The following CASKIN2 variants were observed in gnomAD, a reference collection of about 807,000 sequenced individuals.
The protein encoded by CASKIN2 is CASK interacting protein 2, also known as caskin-2.
In CASKIN2, 41 loss-of-function variants were observed where a neutral mutation model predicts 107.1. That is an observed-to-expected ratio of 0.38 (90% CI 0.30 to 0.50). The LOEUF is 0.50. CASKIN2 is among the 20% of genes least tolerant of loss of function. The pLI, the probability that CASKIN2 is intolerant of heterozygous loss-of-function variation, is 0.92. For synonymous variants in CASKIN2, 724 were observed against 705.6 expected (o/e 1.03, Z -0.41); for missense variants, 1,546 against 1,657.4 (o/e 0.93, Z 1.17).
rs1437455501 is a variant in CASKIN2, at chr17:75,506,962, CCCTGTGGG to C, written c.390+14_390+21del. ...CACCCCACCCTGCCCTGCGCCACGC[CCCTGTGGG>C]CAGCCTCACGTACCACCTCATAATG... On this transcript the variant is annotated intron_variant, in intron 5 of 19. Coordinates refer to ENST00000321617, the MANE Select transcript of CASKIN2 (RefSeq NM_020753.5). This position sits in a 1 kb window ranked among gnomAD's most constrained non-coding sequence, Gnocchi z 4.8. The C allele has an allele frequency of 1.9e-6, 3 of 1,612,958 alleles. No homozygotes were observed. Among genetic ancestry groups the C allele is most frequent in the Non-Finnish European group, 2.5e-6 (3 of 1,179,568 alleles).
chr17:75,503,991 AGCAGGAGC>A, intron 14 of CASKIN2, 29 bp from the exon 15 acceptor site: 1 of 1,583,450 alleles, frequency 6.3e-7, no homozygotes, highest in Non-Finnish European at 8.6e-7. Flanking sequence ...GGGCAGAATT[AGCAGGAGC>A]TGGACCAAGG....
chr17:75,501,597 GGAGGCACTGGGCGGGGGCC>G lies in CASKIN2; in HGVS notation c.3370_3388del (p.Gly1124LeufsTer30). On this transcript the variant is annotated frameshift_variant, in exon 19 of 20. Coordinates refer to ENST00000321617, the MANE Select transcript of CASKIN2 (RefSeq NM_020753.5). LOFTEE classifies it high-confidence loss of function. ...AGTCCCAGTGCTCTCAGGCCGTGGA[GGAGGCACTGGGCGGGGGCC>G]GAGCCGGGGCGCTAGCTTAGGGCCA... 1.2e-6 allele frequency: 2 copies of G among 1,607,734 alleles called. No individual in the cohort carries two copies. Among genetic ancestry groups the G allele is most frequent in the Non-Finnish European group, 1.7e-6 (2 of 1,176,520 alleles).
At position 75,501,793 on chromosome 17, in the gene CASKIN2, T is replaced by C; in HGVS notation, c.3281A>G (p.Lys1094Arg). ...TCCCCTCTTACCTGCTCCGGGCACC[T>C]TGAGGAGGGCAGCAGGGGCGGCCGG... The part of the protein sequence containing the change: ...EPPAAPAALL[K>R]VPGAGTAPKP... The change falls in exon 18 of 20, where the codon AAG (lysine) becomes AGG (arginine). Residue 1094 changes from lysine (K) to arginine (R), a missense_variant. Lys to Arg is a conservative substitution (Grantham distance 26). Transcript: ENST00000321617. 1.3e-6 allele frequency: 2 copies of C among 1,537,706 alleles called. No homozygotes were observed. The highest frequency in any genetic ancestry group is 1.4e-5 in the African/African-American group (1 of 72,632).
rs143069531 is a variant in CASKIN2 at position 75,501,882 on chromosome 17, C to T, written c.3192G>A (p.Pro1064=). ...APSPAMQPPV[P]PCPGPGLESS... ...TTTCCAGACCTGGCCCTGGGCAGGG[C>T]GGCACTGGAGGCTGCATGGCGGGGC... The change falls in exon 18 of 20, where the codon CCG becomes CCA. Residue 1064 remains proline (P), a synonymous_variant. Transcript: ENST00000321617. 8.5e-4 allele frequency: 1,332 copies of T among 1,565,342 alleles called. 5 individuals are homozygous for T. In the Middle Eastern group the frequency reaches 0.026, roughly 30 times the overall value.
chr17:75,511,698 T>C (rs2053317154), intron 2 of CASKIN2, among the ~76,000 whole-genome samples: 1 of 152,170 alleles, frequency 6.6e-6, no homozygotes, highest in South Asian at 2.1e-4. Context: ...TGCCTGAGCC[T>C]ACAGCCTGCG....
At chr17:75,510,731 C>T (rs530734008) in intron 2 of CASKIN2, among the ~76,000 whole-genome samples, 4 of 152,174 alleles carry the variant, frequency 2.6e-5, no homozygotes, top group South Asian at 2.1e-4. Flanking sequence ...GGCGGGACTA[C>T]AGGCATGTGC....
chr17:75,509,724 C>G (rs765864818), intron 2 of CASKIN2: 1 of 985,474 alleles, frequency 1.0e-6, no homozygotes, highest in Non-Finnish European at 1.2e-6. Flanking sequence ...TGCCACGGTA[C>G]CTCTCTGAGC....
intron 2 of CASKIN2, among the ~76,000 whole-genome samples, chr17:75,511,855 C>A: frequency 6.6e-6 from 1 of 152,378 alleles, no homozygotes; most frequent in Middle Eastern, 3.4e-3. Flanking sequence ...CGCCTGCCCT[C>A]CTGAGGGCCT....
At chr17:75,508,349 C>A in intron 2 of CASKIN2, 64 bp from the exon 3 acceptor site, 8 of 1,551,950 alleles carry the variant, frequency 5.2e-6, no homozygotes, top group African/African-American at 1.4e-5. Context: ...CATCCCTCCC[C>A]CCACCTGTCA....
In CASKIN2 at chr17:75,501,778, C is replaced by T; in HGVS notation, c.3295+1G>A. ...ACTCTCCCACAGGCCTCCCCTCTTA[C>T]CTGCTCCGGGCACCTTGAGGAGGGC... On this transcript the variant is annotated splice_donor_variant, in intron 18 of 19. Coordinates refer to ENST00000321617, the MANE Select transcript of CASKIN2 (RefSeq NM_020753.5). LOFTEE classifies it high-confidence loss of function. The T allele has an allele frequency of 6.5e-7, 1 of 1,533,092 alleles. No individual in the cohort carries two copies. The highest frequency in any genetic ancestry group is 1.3e-5 in the South Asian group (1 of 77,696). The allele number at this position is 1,533,092 out of a possible 1,614,324, so 95.0% of individuals were successfully genotyped here. A position where few individuals can be genotyped will look rare whatever the true frequency, so the allele number is the denominator to read the frequency against.
Position 75,507,068 on chromosome 17 carries a change from C to T in CASKIN2, c.306G>A (p.Leu102=), listed in dbSNP as rs1461755832. 1.2e-6 allele frequency: 2 copies of T among 1,611,894 alleles called. No individual in the cohort carries two copies. Among genetic ancestry groups the T allele is most frequent in the Non-Finnish European group, 1.7e-6 (2 of 1,179,696 alleles). Residue 102 remains leucine (L), a synonymous_variant, in exon 5 of 20, where the codon CTG becomes CTA. Coordinates refer to ENST00000321617, the MANE Select transcript of CASKIN2 (RefSeq NM_020753.5). ...CGGCATTGACAGCCGCAGAGGCGCG[C>T]AGCAGCAGCCTCACAGGCTCCAGCC... ...QGRLEPVRLL[L]RASAAVNAAS...
chr17:75,510,373 A>T (rs1413887273), intron 2 of CASKIN2, among the ~76,000 whole-genome samples: 1 of 152,112 alleles, frequency 6.6e-6, no homozygotes. Flanking sequence ...GGATAGCTAT[A>T]AAGCGCCAGC....
chr17:75,505,810 C>G lies in CASKIN2; in HGVS notation c.835+11G>C. 1 of 1,611,980 alleles carries G rather than the reference C, an allele frequency of 6.2e-7. No individual in the cohort carries two copies. The highest frequency in any genetic ancestry group is 8.5e-7 in the Non-Finnish European group (1 of 1,179,386). On this transcript the variant is annotated intron_variant, in intron 9 of 19. Coordinates refer to ENST00000321617, the MANE Select transcript of CASKIN2 (RefSeq NM_020753.5). This position sits in a 1 kb window ranked among gnomAD's most constrained non-coding sequence, Gnocchi z 5.1. ...AGGCCCCCTGGGCAGGGTATCCTCC[C>G]CCGCACTCACCCCGCAGTAGCTGCT... is the stretch of plus-strand genomic sequence containing the variant.
rs143653140 is a variant in CASKIN2 at position 75,506,666 on chromosome 17, C to A, written c.534G>T (p.Glu178Asp). The change falls in exon 7 of 20, where the codon GAG becomes GAT. Residue 178 changes from glutamate to aspartate, a missense_variant. Glu to Asp is a conservative substitution (Grantham distance 45). Coordinates refer to ENST00000321617, the MANE Select transcript of CASKIN2 (RefSeq NM_020753.5). This position sits in a 1 kb window ranked among gnomAD's most constrained non-coding sequence, Gnocchi z 4.8. Reference sequence around the variant, plus strand: ...GGTCACACGGGTCTTTGGCCTCACCCTCCAGCAGTGCCACACATAAGTGGC... The same window carrying A: ...GGTCACACGGGTCTTTGGCCTCACCATCCAGCAGTGCCACACATAAGTGGC... ...LNSHLCVALL[E>D]GEAKDPCDPN... is the part of the protein sequence containing the mutation. 79 of 1,613,302 alleles carry A rather than the reference C, an allele frequency of 4.9e-5. No homozygotes were observed. Among genetic ancestry groups the A allele is most frequent in the Non-Finnish European group, 6.4e-5 (76 of 1,179,982 alleles).
Position 75,504,871 on chromosome 17 carries a change from G to A in CASKIN2, c.1133C>T (p.Pro378Leu), listed in dbSNP as rs1366821252. The A allele has an allele frequency of 1.9e-6, 3 of 1,611,576 alleles. No individual in the cohort carries two copies. Among genetic ancestry groups the A allele is most frequent in the Admixed American group, 1.7e-5 (1 of 59,874 alleles). The change falls in exon 11 of 20, where the codon CCC (proline) becomes CTC (leucine). Residue 378 changes from proline to leucine, a missense_variant. Transcript: ENST00000321617. The stretch of plus-strand genomic sequence containing the variant: ...CTGGCTGTAGGTAAGAGGGTGCGGG[G>A]GTTCTTCGGCAGGAGGCTGCGGTGT... ...SRTPQPPAEEPPHPLTYSQLP... is the reference protein window; with the variant it reads ...SRTPQPPAEELPHPLTYSQLP...
chr17:75,503,815 C>T (rs375048526), intron 15 of CASKIN2, 37 bp downstream of exon 15: 37 of 1,610,732 alleles, frequency 2.3e-5, no homozygotes, highest in Middle Eastern at 1.7e-4. Context: ...GGCCCTCCCC[C>T]GCCCGCTGGG....
chr17:75,504,674 C>A lies in CASKIN2; in HGVS notation c.1212G>T (p.Val404=). Residue 404 remains valine (V), a synonymous_variant, in exon 12 of 20, where the codon GTG becomes GTT. Transcript: ENST00000321617. The stretch of plus-strand genomic sequence containing the variant: ...TGCTGCCCACGCTGCCCTCACTGCC[C>A]ACACTATTCCTGTCACCTGCTGTGG... The part of the protein sequence containing the change: ...PDSPAGDRNS[V]GSEGSVGSIR... 2 of 1,599,556 alleles carry A rather than the reference C, an allele frequency of 1.3e-6. No homozygotes were observed. The highest frequency in any genetic ancestry group is 4.5e-5 in the East Asian group (2 of 44,266).
rs2053212776 is a variant in CASKIN2 at position 75,502,625 on chromosome 17, C to G, written c.2449G>C (p.Gly817Arg). The G allele has an allele frequency of 1.2e-6, 2 of 1,605,004 alleles. No individual in the cohort carries two copies. The highest frequency in any genetic ancestry group is 1.7e-6 in the Non-Finnish European group (2 of 1,175,754). Reference protein sequence around the residue: ...TEGDAEGEAEGPVGSTLGSYA... With the variant: ...TEGDAEGEAERPVGSTLGSYA... ...CTGCCTAGGGTGCTGCCCACTGGCCCTTCGGCCTCCCCCTCAGCATCCCCC... is the reference window on the plus strand; with the variant it reads ...CTGCCTAGGGTGCTGCCCACTGGCCGTTCGGCCTCCCCCTCAGCATCCCCC... The change falls in exon 18 of 20, where the codon GGG (glycine) becomes CGG (arginine). Residue 817 changes from glycine (G) to arginine (R), a missense_variant. Gly to Arg is a moderately radical substitution (Grantham distance 125, BLOSUM62 -2). Around this residue, in one of 6 missense-constraint regions of CASKIN2, gnomAD observed 1,311 missense variants for 1,311.0 expected, o/e 1.00. Transcript: ENST00000321617. The surrounding 1 kb of genome is among the most constrained non-coding windows in gnomAD (Gnocchi z 4.3).
chr17:75,505,133 G>A lies in CASKIN2; in HGVS notation c.931-60C>T. ...CCCAGCACCAGGCAAGTGGCAAACG[G>A]TTGTCCCTGCAGCTGCGGTCCGGCA... is the stretch of plus-strand genomic sequence containing the variant. On this transcript the variant is annotated intron_variant, in intron 10 of 19. Transcript: ENST00000321617. The surrounding 1 kb of genome is among the most constrained non-coding windows in gnomAD (Gnocchi z 5.1). 1 of 1,574,994 alleles carries A rather than the reference G, an allele frequency of 6.3e-7. No homozygotes were observed. Among genetic ancestry groups the A allele is most frequent in the East Asian group, 2.2e-5 (1 of 44,604 alleles).
Sources: allele counts gnomAD v4.1 joint callset (sites outside exome capture counted in the v4.1 genomes callset), GRCh38; gene constraint gnomAD v4.1.1; regional missense constraint gnomAD v4.1.1; non-coding constraint Gnocchi (gnomAD v3.1); transcripts MANE v1.5; gene names NCBI Gene and HGNC (gene_info 2026-07-23, HGNC 2026-07-21).